RHOQ: variants seen among roughly 807,000 people sequenced by gnomAD.
The protein encoded by RHOQ is ras homolog family member Q.
Under a neutral mutation model 25.8 loss-of-function variants are expected in RHOQ, and 7 were observed. The observed-to-expected ratio is 0.27, with a 90% CI of 0.15 to 0.51. The LOEUF is 0.51. RHOQ is among the 20% of genes least tolerant of loss of function. The probability of loss-of-function intolerance (pLI) is 0.97; values close to 1 mark genes in which losing one functional copy is unlikely to be tolerated. For synonymous variants in RHOQ, 97 were observed against 98.6 expected, an observed-to-expected ratio of 0.98 and a Z score of 0.10; for missense variants, 165 against 260.6, an observed-to-expected ratio of 0.63 and a Z score of 2.53.
chr2:46,570,411 G>A (rs1668874486), intron 2 of RHOQ, among the ~76,000 whole-genome samples: 1 of 151,732 alleles, frequency 6.6e-6, no homozygotes, highest in South Asian at 2.1e-4. Flanking sequence ...TTGCACTCTA[G>A]TCTGGGCTAT....
In RHOQ at chr2:46,576,025, T is replaced by G; in HGVS notation, c.202-62T>G. ...GCATCTTTGACCATGTAATCTAATG[T>G]ACATATTACTAGTAAACAATAGAAA... On this transcript the variant is annotated intron_variant, in intron 2 of 4. Coordinates refer to ENST00000238738, the MANE Select transcript of RHOQ (RefSeq NM_012249.4). This position sits in a 1 kb window ranked among gnomAD's most constrained non-coding sequence, Gnocchi z 5.1. 7.1e-7 allele frequency: 1 copy of G among 1,412,136 alleles called. No individual in the cohort carries two copies. Among genetic ancestry groups the G allele is most frequent in the Non-Finnish European group, 9.6e-7 (1 of 1,043,322 alleles). 87.5% of individuals were successfully genotyped at this position (1,412,136 alleles called of 1,614,324 possible).
rs1015498235 is a variant in RHOQ, at chr2:46,555,850, C to T, written c.201+12038C>T. Among the ~76,000 whole-genome samples, 1 of 152,174 alleles carries T rather than the reference C, an allele frequency of 6.6e-6. No homozygotes were observed. Among genetic ancestry groups the T allele is most frequent in the Non-Finnish European group, 1.5e-5 (1 of 68,022 alleles). ...TGTCTTGACTGGGAGACCGGAATGC[C>T]TCCTGTTGTCTGAACAAGCTAGTAT... On this transcript the variant is annotated intron_variant, in intron 2 of 4. Transcript: ENST00000238738. The surrounding 1 kb of genome is among the most constrained non-coding windows in gnomAD (Gnocchi z 4.3).
intron 2 of RHOQ, among the ~76,000 whole-genome samples, chr2:46,549,516 A>G (rs1668174856): frequency 6.6e-6 from 1 of 152,212 alleles, no homozygotes; most frequent in Non-Finnish European, 1.5e-5. Context: ...CCTCAGACAC[A>G]ACAGCAATGC....
At chr2:46,579,436 A>T (rs1465917513) in intron 4 of RHOQ, among the ~76,000 whole-genome samples, 1 of 152,108 alleles carries the variant, frequency 6.6e-6, no homozygotes, top group Non-Finnish European at 1.5e-5. Flanking sequence ...CTAAATTCTC[A>T]ATTTGGTTAT....
In RHOQ at chr2:46,542,845, C is replaced by A. The variant is rs1371014618; in HGVS notation, c.-202C>A. On this transcript the variant is annotated 5_prime_UTR_variant, in exon 1 of 5. Transcript: ENST00000238738. ...ACCGGGGCCGGGGCGGGGATCCGGG[C>A]GGCGACCGCGGCGGCGGCAGCGCCC... 4.0e-5 allele frequency: 6 copies of A among 150,930 alleles called. No homozygotes were observed. The highest frequency in any genetic ancestry group is 7.1e-5 in the Non-Finnish European group (5 of 70,086). 9.3% of individuals were successfully genotyped at this position (150,930 alleles called of 1,614,324 possible).
At chr2:46,578,252 T>TTGA (rs1669205219) in intron 4 of RHOQ, among the ~76,000 whole-genome samples, 1 of 152,214 alleles carries the variant, frequency 6.6e-6, no homozygotes, top group Non-Finnish European at 1.5e-5. Flanking sequence ...TCTGTTGTAC[T>TTGA]ATTGGTCATT....
chr2:46,545,387 A>G (rs1668012917), intron 2 of RHOQ, among the ~76,000 whole-genome samples: 1 of 152,142 alleles, frequency 6.6e-6, no homozygotes, highest in South Asian at 2.1e-4. Flanking sequence ...ACTTGTGACC[A>G]TGATAATTTT....
At chr2:46,559,919 G>A (rs1026225839) in intron 2 of RHOQ, among the ~76,000 whole-genome samples, 11 of 152,184 alleles carry the variant, frequency 7.2e-5, no homozygotes, top group Non-Finnish European at 4.4e-5. Flanking sequence ...TCTTTGTACC[G>A]TGGCCTTGTG....
In RHOQ at chr2:46,556,114, A is replaced by G. The variant is rs944293214; in HGVS notation, c.201+12302A>G. On this transcript the variant is annotated intron_variant, in intron 2 of 4. Coordinates refer to ENST00000238738, the MANE Select transcript of RHOQ (RefSeq NM_012249.4). The surrounding 1 kb of genome is among the most constrained non-coding windows in gnomAD (Gnocchi z 4.9). ...ACCACTAATCTGTCTTTCTGTTTCT[A>G]TGGATTTACCTATTCTGGACATTTC... 6.6e-6 allele frequency among the ~76,000 whole-genome samples: 1 copy of G among 151,932 alleles called. No individual in the cohort carries two copies. Among genetic ancestry groups the G allele is most frequent in the African/African-American group, 2.4e-5 (1 of 41,338 alleles).
chr2:46,555,093 G>A lies in RHOQ; in HGVS notation c.201+11281G>A, dbSNP rs1264048518. 6.6e-6 allele frequency among the ~76,000 whole-genome samples: 1 copy of A among 152,240 alleles called. No homozygotes were observed. Among genetic ancestry groups the A allele is most frequent in the South Asian group, 2.1e-4 (1 of 4,838 alleles). ...GACAGAGCAGGCAGATGGGGGCTCT[G>A]CTTCCTTCGGACAGGGACTTCGTCC... is the stretch of plus-strand genomic sequence containing the variant. On this transcript the variant is annotated intron_variant, in intron 2 of 4. Coordinates refer to ENST00000238738, the MANE Select transcript of RHOQ (RefSeq NM_012249.4). This position sits in a 1 kb window ranked among gnomAD's most constrained non-coding sequence, Gnocchi z 4.3.
chr2:46,543,291 C>T, intron 1 of RHOQ, 103 bp downstream of exon 1: 6 of 1,337,982 alleles, frequency 4.5e-6, no homozygotes, highest in Non-Finnish European at 6.3e-6. Context: ...GCACTCCTCT[C>T]CCCTCCCCCG....
intron 2 of RHOQ, among the ~76,000 whole-genome samples, chr2:46,573,608 G>T (rs1324664170): frequency 6.6e-6 from 1 of 152,204 alleles, no homozygotes; most frequent in African/African-American, 2.4e-5. Flanking sequence ...AGGATTCACT[G>T]TGGTTATGAA....
intron 2 of RHOQ, among the ~76,000 whole-genome samples, chr2:46,554,587 G>A (rs1425671376): frequency 6.6e-6 from 1 of 152,184 alleles, no homozygotes; most frequent in African/African-American, 2.4e-5. Flanking sequence ...CAAAGCATCA[G>A]ATGGGCAATG....
chr2:46,556,236 A>G lies in RHOQ; in HGVS notation c.201+12424A>G, dbSNP rs970684196. 6.6e-6 allele frequency among the ~76,000 whole-genome samples: 1 copy of G among 152,206 alleles called. No individual in the cohort carries two copies. Among genetic ancestry groups the G allele is most frequent in the Non-Finnish European group, 1.5e-5 (1 of 68,040 alleles). On this transcript the variant is annotated intron_variant, in intron 2 of 4. Transcript: ENST00000238738. This position sits in a 1 kb window ranked among gnomAD's most constrained non-coding sequence, Gnocchi z 4.9. Reference sequence around the variant, plus strand: ...TTCATCCATGTTGTAGAAGGTATCAACATTCCATTCCTTTTTATGGCTCTG... The same window carrying G: ...TTCATCCATGTTGTAGAAGGTATCAGCATTCCATTCCTTTTTATGGCTCTG...
rs774121664 is a variant in RHOQ, at chr2:46,570,003, A to G, written c.202-6084A>G. Among the ~76,000 whole-genome samples the G allele has an allele frequency of 3.3e-5, 5 of 152,308 alleles. No individual in the cohort carries two copies. In the South Asian group the frequency reaches 1.0e-3, roughly 32 times the overall value. On this transcript the variant is annotated intron_variant, in intron 2 of 4. Transcript: ENST00000238738. Reference sequence around the variant, plus strand: ...TCATCACTGGTGAGTTTTGAACCAAACTTACCAAAGTGTTTTCAAAAAGGA... The same window carrying G: ...TCATCACTGGTGAGTTTTGAACCAAGCTTACCAAAGTGTTTTCAAAAAGGA...
intron 1 of RHOQ, 26 bp downstream of exon 1, chr2:46,543,214 G>C: frequency 6.2e-7 from 1 of 1,609,828 alleles, no homozygotes; most frequent in Middle Eastern, 1.7e-4. Flanking sequence ...GCTGACTAAG[G>C]GGCCGCTCCC....
chr2:46,560,168 G>C (rs1668530848), intron 2 of RHOQ, among the ~76,000 whole-genome samples: 1 of 152,210 alleles, frequency 6.6e-6, no homozygotes, highest in Non-Finnish European at 1.5e-5. Flanking sequence ...GGTCTGCTGT[G>C]CAGTCCGGTG....
Position 46,556,443 on chromosome 2 carries a change from C to G in RHOQ, c.201+12631C>G, listed in dbSNP as rs1668413144. ...CTCAGGTAGAGGCGAGGGCTGATCT[C>G]TTCTCTACCCTTCTGATATTCTTTT... On this transcript the variant is annotated intron_variant, in intron 2 of 4. Coordinates refer to ENST00000238738, the MANE Select transcript of RHOQ (RefSeq NM_012249.4). The surrounding 1 kb of genome is among the most constrained non-coding windows in gnomAD (Gnocchi z 4.9). Among the ~76,000 whole-genome samples, 1 of 151,606 alleles carries G rather than the reference C, an allele frequency of 6.6e-6. No individual in the cohort carries two copies. The highest frequency in any genetic ancestry group is 2.4e-5 in the African/African-American group (1 of 41,238).
chr2:46,559,946 G>A (rs767267156), intron 2 of RHOQ, among the ~76,000 whole-genome samples: 1 of 152,208 alleles, frequency 6.6e-6, no homozygotes, highest in South Asian at 2.1e-4. Context: ...GACTGGGCCT[G>A]GTGTCTCCCA....
Sources: allele counts gnomAD v4.1 joint callset (sites outside exome capture counted in the v4.1 genomes callset), GRCh38; gene constraint gnomAD v4.1.1; non-coding constraint Gnocchi (gnomAD v3.1); transcripts MANE v1.5; gene names NCBI Gene and HGNC (gene_info 2026-07-23, HGNC 2026-07-21).